The following KLF8 variants were observed in gnomAD, a reference collection of about 807,000 sequenced individuals.
The protein encoded by KLF8 is KLF transcription factor 8.
Under a neutral mutation model 18.2 loss-of-function variants are expected in KLF8, and 10 were observed. The observed-to-expected ratio is 0.55, with a 90% CI of 0.34 to 0.93. The LOEUF is 0.93. Ranked by LOEUF, KLF8 falls within the 40% of genes least tolerant of loss-of-function variation. The pLI, the probability that KLF8 is intolerant of heterozygous loss-of-function variation, is 0.02. For synonymous variants in KLF8, 109 were observed against 97.3 expected (o/e 1.12, Z -0.71); for missense variants, 264 against 277.9 (o/e 0.95, Z 0.36).
the KLF8 span, among the ~76,000 whole-genome samples, chrX:56,202,559 T>TCCCCCCCCCCCCCC: frequency 5.3e-5 from 4 of 75,806 alleles, no homozygotes; most frequent in Non-Finnish European, 5.3e-5. Context: ...CCATTAACCT[T>TCCCCCCCCCCCCCC]CCCCCCCCCT....
At position 56,287,892 on chromosome X, in the gene KLF8, G is replaced by A. The variant is rs1281533077; in HGVS notation, c.*3398G>A. The stretch of plus-strand genomic sequence containing the variant: ...CATTGATATGTTAATATTATTAACT[G>A]AAGTCCATACTTTATTCAGGTTTCT... On this transcript the variant is annotated 3_prime_UTR_variant, in exon 6 of 6. Transcript: ENST00000468660. 3.6e-5 allele frequency: 4 copies of A among 110,293 alleles called. No individual in the cohort carries two copies. The highest frequency in any genetic ancestry group is 5.7e-5 in the Non-Finnish European group (3 of 53,091). 9.1% of individuals were successfully genotyped at this position (110,293 alleles called of 1,213,427 possible). A position where few individuals can be genotyped will look rare whatever the true frequency, so the allele number is the denominator to read the frequency against.
the KLF8 span, among the ~76,000 whole-genome samples, chrX:56,079,163 G>T: frequency 9.0e-6 from 1 of 111,059 alleles, no homozygotes; most frequent in East Asian, 2.8e-4. Context: ...TCTGATTTTA[G>T]TTATTTCTTG....
the KLF8 span, among the ~76,000 whole-genome samples, chrX:56,077,925 A>G: frequency 2.7e-5 from 3 of 109,492 alleles, no homozygotes; most frequent in Non-Finnish European, 5.6e-5. Context: ...GAGTTCACTC[A>G]TGATTTGGCC....
the KLF8 span, among the ~76,000 whole-genome samples, chrX:56,164,184 T>C: frequency 9.5e-6 from 1 of 105,014 alleles, no homozygotes; most frequent in Non-Finnish European, 1.9e-5. Flanking sequence ...ATAGGTTAGA[T>C]TTCACTTACC....
the KLF8 span, among the ~76,000 whole-genome samples, chrX:55,979,021 G>A: frequency 9.0e-6 from 1 of 111,275 alleles, no homozygotes; most frequent in Non-Finnish European, 1.9e-5. Context: ...CCAAGACAAA[G>A]AGTAATGATA....
the KLF8 span, among the ~76,000 whole-genome samples, chrX:55,981,202 A>T: frequency 0.086 from 9,561 of 111,676 alleles, 999 homozygotes; most frequent in African/African-American, 0.3. Flanking sequence ...CAAAATAATT[A>T]AAAAAAATTA....
chrX:55,930,258 G>C, the KLF8 span, among the ~76,000 whole-genome samples: 1 of 112,166 alleles, frequency 8.9e-6, no homozygotes, highest in Non-Finnish European at 1.9e-5. Context: ...TGCTGAAGCT[G>C]TTTATCAGCT....
the KLF8 span, among the ~76,000 whole-genome samples, chrX:56,139,739 TC>T: frequency 9.0e-6 from 1 of 111,150 alleles, no homozygotes; most frequent in Non-Finnish European, 1.9e-5. Flanking sequence ...TGACAAAGAT[TC>T]CAAAAACAAT....
At chrX:56,194,051 C>T in the KLF8 span, among the ~76,000 whole-genome samples, 17 of 111,707 alleles carry the variant, frequency 1.5e-4, no homozygotes, top group Non-Finnish European at 2.3e-4. Flanking sequence ...CTGTGTATTG[C>T]ATCCTTGTAT....
chrX:55,994,522 G>C, the KLF8 span, among the ~76,000 whole-genome samples: 3 of 106,346 alleles, frequency 2.8e-5, no homozygotes, highest in Non-Finnish European at 5.8e-5. Context: ...ATGTTACTTT[G>C]TTGAGATTTT....
At chrX:55,971,838 G>A in the KLF8 span, among the ~76,000 whole-genome samples, 18 of 111,140 alleles carry the variant, frequency 1.6e-4, no homozygotes, top group East Asian at 5.6e-4. Flanking sequence ...TCAGAAAAAC[G>A]CAAATCAAAA....
In KLF8 at chrX:56,256,404, T is replaced by C. The variant is rs151095536; in HGVS notation, c.81+6100T>C. ...CTCCTCTCATCTTTGTTATTTCTTC[T>C]ACTAATTTTGGGGTTGGTTTGCTCT... is the stretch of plus-strand genomic sequence containing the variant. On this transcript the variant is annotated intron_variant, in intron 2 of 5. Coordinates refer to ENST00000468660, the MANE Select transcript of KLF8 (RefSeq NM_007250.5). 5.4e-5 allele frequency among the ~76,000 whole-genome samples: 6 copies of C among 111,686 alleles called. No individual in the cohort carries two copies. In the East Asian group the frequency reaches 1.7e-3, roughly 31 times the overall value.
chrX:55,989,899 C>G, the KLF8 span, among the ~76,000 whole-genome samples: 1 of 111,085 alleles, frequency 9.0e-6, no homozygotes, highest in Non-Finnish European at 1.9e-5. Flanking sequence ...TTGGTCTATT[C>G]AGAGATTCAA....
At chrX:56,047,272 T>A in the KLF8 span, among the ~76,000 whole-genome samples, 932 of 110,512 alleles carry the variant, frequency 8.4e-3, 37 homozygotes, top group Admixed American at 0.079. Flanking sequence ...TTCGTTTTTT[T>A]ATTATTATTA....
the KLF8 span, among the ~76,000 whole-genome samples, chrX:56,177,598 G>T: frequency 1.8e-5 from 2 of 111,439 alleles, no homozygotes; most frequent in South Asian, 3.8e-4. Context: ...CTCCAGCTGT[G>T]TGCTGGGAGA....
At chrX:56,154,231 G>A in the KLF8 span, among the ~76,000 whole-genome samples, 1 of 111,553 alleles carries the variant, frequency 9.0e-6, no homozygotes, top group African/African-American at 3.3e-5. Context: ...TACCAAAACA[G>A]CATGGTACTG....
the KLF8 span, among the ~76,000 whole-genome samples, chrX:56,000,477 G>C: frequency 1.8e-5 from 1 of 54,795 alleles, no homozygotes; most frequent in East Asian, 4.6e-4. Context: ...CTTTTTCTTG[G>C]GGGGGGGGGG....
chrX:56,199,596 G>A, the KLF8 span, among the ~76,000 whole-genome samples: 10 of 111,800 alleles, frequency 8.9e-5, no homozygotes, highest in Non-Finnish European at 1.7e-4. Flanking sequence ...TGCTGGAGAG[G>A]ACGTTGAGAA....
the KLF8 span, among the ~76,000 whole-genome samples, chrX:55,934,348 A>G: frequency 1.8e-5 from 2 of 112,012 alleles, no homozygotes; most frequent in Non-Finnish European, 3.8e-5. Flanking sequence ...CTTATCAATA[A>G]TAAAAGAATC....
Sources: gnomAD v4.1 joint callset for allele counts (sites outside exome capture counted in the v4.1 genomes callset) on GRCh38, gnomAD v4.1.1 for gene constraint, MANE v1.5 for transcripts, NCBI Gene and HGNC (gene_info 2026-07-23, HGNC 2026-07-21) for gene names.